Variants in ASXL2 observed in about 807,000 individuals in gnomAD.
ASXL2 encodes putative Polycomb group protein ASXL2.
In ASXL2, 23 loss-of-function variants were observed where a neutral mutation model predicts 122.0. The ratio of observed to expected loss-of-function variants is 0.19; its 90% CI spans 0.14 to 0.27. The LOEUF (loss-of-function observed/expected upper bound fraction) is 0.27. Ranked by LOEUF, ASXL2 falls within the 10% of genes least tolerant of loss-of-function variation. The probability of loss-of-function intolerance (pLI) is 1.00; values close to 1 mark genes in which losing one functional copy is unlikely to be tolerated. For synonymous variants in ASXL2, 650 were observed against 637.0 expected, an observed-to-expected ratio of 1.02 and a Z score of -0.31; for missense variants, 1,518 against 1,713.8, an observed-to-expected ratio of 0.89 and a Z score of 2.02.
intron 3 of ASXL2, chr2:25,810,235 C>T (rs2089147689): frequency 4.9e-6 from 3 of 614,534 alleles, no homozygotes; most frequent in Non-Finnish European, 9.3e-6. Flanking sequence ...TCAGCTCGTT[C>T]CTCTGTGAGT....
intron 5 of ASXL2, among the ~76,000 whole-genome samples, chr2:25,777,585 T>A (rs2088568845): frequency 1.3e-5 from 2 of 149,724 alleles, no homozygotes; most frequent in Non-Finnish European, 3.0e-5. Context: ...CCCTATCGTT[T>A]AATAAAAAAA....
At chr2:25,784,615 C>A (rs1574415224) in intron 5 of ASXL2, among the ~76,000 whole-genome samples, 1 of 152,168 alleles carries the variant, frequency 6.6e-6, no homozygotes, top group East Asian at 1.9e-4. Context: ...TAAGCTATTC[C>A]GTCCCTTTCT....
At chr2:25,837,884 A>C (rs1312536874) in intron 2 of ASXL2, among the ~76,000 whole-genome samples, 1 of 151,488 alleles carries the variant, frequency 6.6e-6, no homozygotes, top group East Asian at 1.9e-4. Flanking sequence ...TGGGAGGCCG[A>C]AGCAGGCAGA....
intron 5 of ASXL2, among the ~76,000 whole-genome samples, chr2:25,784,070 T>TAAATA (rs1327998571): frequency 6.9e-6 from 1 of 145,534 alleles, no homozygotes; most frequent in East Asian, 2.0e-4. Flanking sequence ...AATAAATAAA[T>TAAATA]AAATAAATAA....
intron 9 of ASXL2, among the ~76,000 whole-genome samples, chr2:25,756,900 T>C (rs760393364): frequency 5.1e-4 from 78 of 152,348 alleles, no homozygotes; most frequent in Non-Finnish European, 5.1e-4. Flanking sequence ...ACGAGGGTAA[T>C]AGTGTTCTAT....
intron 1 of ASXL2, chr2:25,856,363 CTTT>C (rs70950127): frequency 0.014 from 3,183 of 231,128 alleles, no homozygotes; most frequent in East Asian, 0.033. Context: ...CTGGCCTATA[CTTT>C]TTTTTTTTTT....
intron 12 of ASXL2, among the ~76,000 whole-genome samples, chr2:25,745,641 CTTT>C (rs59530493): frequency 5.6e-4 from 42 of 75,660 alleles, no homozygotes; most frequent in African/African-American, 1.8e-3. Context: ...TGATTTCCTT[CTTT>C]TTTTTTTTTT....
In ASXL2 at chr2:25,759,487, G is replaced by T. The variant is rs2149146319; in HGVS notation, c.934C>A (p.Arg312=). 1 of 1,613,238 alleles carries T rather than the reference G, an allele frequency of 6.2e-7. No individual in the cohort carries two copies. Among genetic ancestry groups the T allele is most frequent in the Non-Finnish European group, 8.5e-7 (1 of 1,179,392 alleles). ...RLLLLLPEVD[R]QVGPDGLMKL... ...TAAGGAGTTCAATGACGCACCTGTCGATCTACCTCTGGGAGTAGTAAAAGC... is the reference window on the plus strand; with the variant it reads ...TAAGGAGTTCAATGACGCACCTGTCTATCTACCTCTGGGAGTAGTAAAAGC... Residue 312 remains arginine, a synonymous_variant, in exon 9 of 13, where the codon CGA becomes AGA. Transcript: ENST00000435504.
rs553667580 is a variant in ASXL2, at chr2:25,822,410, GC to G, written c.143+13127del. The G allele has an allele frequency of 2.5e-4, 76 of 299,358 alleles. 1 individual carries two copies. In the South Asian group the frequency reaches 3.4e-3, roughly 13 times the overall value. The allele number at this position is 299,358 out of a possible 1,614,324, so 18.5% of individuals were successfully genotyped here. A position where few individuals can be genotyped will look rare whatever the true frequency, so the allele number is the denominator to read the frequency against. On this transcript the variant is annotated intron_variant, in intron 3 of 12. Coordinates refer to ENST00000435504, the MANE Select transcript of ASXL2 (RefSeq NM_018263.6). Reference sequence around the variant, plus strand: ...TCACCGGAGAGAAGTCGACTCCCTAGCAGCAGTCGACGCCAGAGGGCCGCCC... The same window carrying G: ...TCACCGGAGAGAAGTCGACTCCCTAGAGCAGTCGACGCCAGAGGGCCGCCC...
intron 3 of ASXL2, among the ~76,000 whole-genome samples, chr2:25,809,552 G>T (rs7560766): frequency 0.38 from 57,811 of 151,992 alleles, 12,649 homozygotes; most frequent in Non-Finnish European, 0.5. Context: ...AAGCTGAAAA[G>T]TCACCTTCCA....
At chr2:25,842,792 GTATA>G (rs753934368) in intron 2 of ASXL2, among the ~76,000 whole-genome samples, 3,548 of 95,338 alleles carry the variant, frequency 0.037, 49 homozygotes, top group African/African-American at 0.074. Context: ...GTGTGTGTGT[GTATA>G]TATATATATA....
intron 3 of ASXL2, among the ~76,000 whole-genome samples, chr2:25,828,824 CAAA>C (rs1031358836): frequency 6.0e-5 from 3 of 50,156 alleles, no homozygotes; most frequent in Non-Finnish European, 1.0e-4. Context: ...GACTGTGTCT[CAAA>C]AAAAAAAAAA....
At position 25,878,415 on chromosome 2, in the gene ASXL2, TTGC is replaced by T. The variant is rs1356663268; in HGVS notation, c.-196_-194del. The T allele has an allele frequency of 6.7e-6, 4 of 600,482 alleles. No individual in the cohort carries two copies. In the East Asian group the frequency reaches 1.1e-4, roughly 17 times the overall value. The allele number at this position is 600,482 out of a possible 1,614,324, so 37.2% of individuals were successfully genotyped here. On this transcript the variant is annotated 5_prime_UTR_variant, in exon 1 of 13. Transcript: ENST00000435504. ...GGGGTCTATGGGGCGGCCGGTCCTCTTGCTGCCGTTGCCACTGCTACCGCCGCT... is the reference window on the plus strand; with the variant it reads ...GGGGTCTATGGGGCGGCCGGTCCTCTTGCCGTTGCCACTGCTACCGCCGCT...
intron 10 of ASXL2, among the ~76,000 whole-genome samples, chr2:25,754,150 T>C (rs1165641486): frequency 6.6e-6 from 1 of 151,336 alleles, no homozygotes; most frequent in Non-Finnish European, 1.5e-5. Flanking sequence ...TATTCTGGAG[T>C]TGTCAGTTTT....
intron 1 of ASXL2, among the ~76,000 whole-genome samples, chr2:25,875,748 T>C (rs541048527): frequency 2.0e-5 from 3 of 152,302 alleles, no homozygotes; most frequent in African/African-American, 4.8e-5. Context: ...AGACACCTGC[T>C]TCCTTGATGA....
Position 25,736,535 on chromosome 2 carries a change from G to C in ASXL2, c.*5494C>G, listed in dbSNP as rs980083736. Reference sequence around the variant, plus strand: ...ACAGCACATTTTCAGCTAAGATCTAGACTGCTGTTCTCTTGGAAGGCTGAA... The same window carrying C: ...ACAGCACATTTTCAGCTAAGATCTACACTGCTGTTCTCTTGGAAGGCTGAA... On this transcript the variant is annotated 3_prime_UTR_variant, in exon 13 of 13. Coordinates refer to ENST00000435504, the MANE Select transcript of ASXL2 (RefSeq NM_018263.6). The C allele has an allele frequency of 2.0e-5, 3 of 152,002 alleles. No individual in the cohort carries two copies. The highest frequency in any genetic ancestry group is 2.9e-5 in the Non-Finnish European group (2 of 68,002). The allele number at this position is 152,002 out of a possible 1,614,324, so 9.4% of individuals were successfully genotyped here.
Position 25,744,661 on chromosome 2 carries a change from T to C in ASXL2, c.1861-185A>G, listed in dbSNP as rs964871348. Among the ~76,000 whole-genome samples the C allele has an allele frequency of 6.6e-6, 1 of 152,202 alleles. No homozygotes were observed. The highest frequency in any genetic ancestry group is 2.4e-5 in the African/African-American group (1 of 41,446). On this transcript the variant is annotated intron_variant, in intron 12 of 12. Transcript: ENST00000435504. The surrounding 1 kb of genome is among the most constrained non-coding windows in gnomAD (Gnocchi z 4.7). ...AATACTAGTTTGTCTCTAGGGTCCT[T>C]GCATCCACTTTTTCTATTGGTGCCA...
intron 5 of ASXL2, among the ~76,000 whole-genome samples, chr2:25,785,390 G>C (rs951277351): frequency 2.6e-5 from 4 of 151,722 alleles, no homozygotes; most frequent in African/African-American, 9.7e-5. Flanking sequence ...ATGTCAGGCC[G>C]ATTTCTTTAT....
chr2:25,828,232 G>A (rs1244432533), intron 3 of ASXL2, among the ~76,000 whole-genome samples: 3 of 151,726 alleles, frequency 2.0e-5, no homozygotes, highest in African/African-American at 7.3e-5. Flanking sequence ...CCAGCTGGGT[G>A]CGGTGGCTCA....
Sources: gnomAD v4.1 joint callset for allele counts (sites outside exome capture counted in the v4.1 genomes callset) on GRCh38, gnomAD v4.1.1 for gene constraint, Gnocchi (gnomAD v3.1) non-coding constraint, MANE v1.5 for transcripts, NCBI Gene and HGNC (gene_info 2026-07-23, HGNC 2026-07-21) for gene names.